HDAC4: variants seen among roughly 807,000 people sequenced by gnomAD.
The protein encoded by HDAC4 is histone deacetylase 4, also known as histone deacetylase A.
HDAC4 carries 16 observed loss-of-function variants against 135.1 expected under a neutral mutation model. The ratio of observed to expected loss-of-function variants is 0.12; its 90% CI spans 0.08 to 0.18. The LOEUF is 0.18. Among genes scored for constraint, HDAC4 ranks in the 10% least tolerant of loss-of-function variants. The pLI, the probability that HDAC4 is intolerant of heterozygous loss-of-function variation, is 1.00. For synonymous variants in HDAC4, 685 were observed against 653.4 expected, an observed-to-expected ratio of 1.05 and a Z score of -0.74; for missense variants, 1,143 against 1,511.8, an observed-to-expected ratio of 0.76 and a Z score of 4.05.
At chr2:239,387,359 G>A (rs1299481962) in intron 1 of HDAC4, among the ~76,000 whole-genome samples, 2 of 152,210 alleles carry the variant, frequency 1.3e-5, no homozygotes, top group African/African-American at 2.4e-5. Flanking sequence ...CAGTCCCGCC[G>A]CTGCGTGCCT....
intron 1 of HDAC4, among the ~76,000 whole-genome samples, chr2:239,379,670 C>G (rs949116034): frequency 6.6e-5 from 10 of 152,180 alleles, no homozygotes; most frequent in Admixed American, 2.0e-4. Flanking sequence ...TCAGAGCCAG[C>G]CTGGGCACCA....
intron 2 of HDAC4, among the ~76,000 whole-genome samples, chr2:239,304,866 A>G (rs1339412639): frequency 3.3e-5 from 5 of 152,202 alleles, no homozygotes; most frequent in Non-Finnish European, 5.9e-5. Context: ...TATAATATAT[A>G]TACACACACA....
In HDAC4 at chr2:239,191,012, GA is replaced by G. The variant is rs1436933214; in HGVS notation, c.95-936del. ...AGCACTGCTCCTGGCACAGCCCAGG[GA>G]CATCCCAGCGTCACTTCTCAGACAC... On this transcript the variant is annotated intron_variant, in intron 3 of 26. Coordinates refer to ENST00000543185, the MANE Select transcript of HDAC4 (RefSeq NM_001378414.1). 8 of 464,188 alleles carry G rather than the reference GA, an allele frequency of 1.7e-5. No homozygotes were observed. In the East Asian group the frequency reaches 3.5e-4, roughly 20 times the overall value. 28.8% of individuals were successfully genotyped at this position (464,188 alleles called of 1,614,324 possible).
chr2:239,374,069 C>G (rs1454703651), intron 1 of HDAC4, among the ~76,000 whole-genome samples: 2 of 152,196 alleles, frequency 1.3e-5, no homozygotes, highest in Non-Finnish European at 2.9e-5. Flanking sequence ...TCAAGCCCCT[C>G]TAAGGAGGGA....
chr2:239,216,762 G>A (rs2153110219), intron 3 of HDAC4, among the ~76,000 whole-genome samples: 1 of 152,234 alleles, frequency 6.6e-6, no homozygotes, highest in East Asian at 1.9e-4. Flanking sequence ...GGAAGGGTGT[G>A]TGTCCTGCCC....
chr2:239,111,676 G>A lies in HDAC4; in HGVS notation c.1828C>T (p.Leu610=), dbSNP rs1376573550. The part of the protein sequence containing the change: ...LLLEQQRIHQ[L]RNYQASMEAA... ...TCCATGGACGCCTGGTAGTTCCTCA[G>A]CTGGTGGATCCGCTGCTGCTCCAGC... The change falls in exon 14 of 27, where the codon CTG becomes TTG. Residue 610 remains leucine (L), a synonymous_variant. Transcript: ENST00000543185. 1.2e-6 allele frequency: 2 copies of A among 1,604,468 alleles called. No individual in the cohort carries two copies. The highest frequency in any genetic ancestry group is 8.5e-7 in the Non-Finnish European group (1 of 1,176,184).
Position 239,236,586 on chromosome 2 carries a change from G to C in HDAC4, c.94+7C>G. ...CGGCCGGACAGGGCAGGGGTGGGCGGACTTACCCGTGCTGGGCATGTGGTT... is the reference window on the plus strand; with the variant it reads ...CGGCCGGACAGGGCAGGGGTGGGCGCACTTACCCGTGCTGGGCATGTGGTT... On this transcript the variant is annotated splice_region_variant and intron_variant, in intron 3 of 26. Coordinates refer to ENST00000543185, the MANE Select transcript of HDAC4 (RefSeq NM_001378414.1). 6.4e-7 allele frequency: 1 copy of C among 1,550,828 alleles called. No individual in the cohort carries two copies. Among genetic ancestry groups the C allele is most frequent in the Non-Finnish European group, 8.7e-7 (1 of 1,146,180 alleles).
chr2:239,294,498 T>C (rs1160113486), intron 2 of HDAC4, among the ~76,000 whole-genome samples: 2 of 151,828 alleles, frequency 1.3e-5, no homozygotes, highest in Admixed American at 6.6e-5. Flanking sequence ...TAAGTCCCCG[T>C]TGAAGGTGGA....
chr2:239,095,432 C>A (rs2036928309), intron 16 of HDAC4, among the ~76,000 whole-genome samples: 2 of 152,180 alleles, frequency 1.3e-5, no homozygotes, highest in African/African-American at 4.8e-5. Flanking sequence ...TGCTCCAGGA[C>A]CCCGAGCCTG....
intron 24 of HDAC4, among the ~76,000 whole-genome samples, chr2:239,066,060 T>C (rs1210087479): frequency 6.6e-6 from 1 of 152,146 alleles, no homozygotes; most frequent in Non-Finnish European, 1.5e-5. Context: ...CCACGCCTGG[T>C]GGAGGCCCTG....
At chr2:239,376,007 A>G (rs13013650) in intron 1 of HDAC4, among the ~76,000 whole-genome samples, 94,411 of 152,150 alleles carry the variant, frequency 0.62, 30,068 homozygotes, top group East Asian at 0.9. Flanking sequence ...CTCTGCTTCA[A>G]TGTGTCCTTT....
chr2:239,090,187 A>G (rs987115604), intron 17 of HDAC4, 71 bp from the exon 18 acceptor site: 6 of 1,138,418 alleles, frequency 5.3e-6, no homozygotes, highest in Admixed American at 1.8e-5. Context: ...GGCTGGGCAG[A>G]GCAGCTCAGG....
At chr2:239,346,261 C>G (rs1462308962) in intron 2 of HDAC4, among the ~76,000 whole-genome samples, 1 of 148,542 alleles carries the variant, frequency 6.7e-6, no homozygotes, top group African/African-American at 2.5e-5. Context: ...AATACACAGA[C>G]ACCCACACCC....
intron 1 of HDAC4, among the ~76,000 whole-genome samples, chr2:239,391,394 A>T (rs1696199130): frequency 6.6e-6 from 1 of 152,174 alleles, no homozygotes; most frequent in African/African-American, 2.4e-5. Context: ...AGACACCCTG[A>T]GCAGGTGCAG....
At chr2:239,122,705 A>G (rs1575108190) in intron 12 of HDAC4, among the ~76,000 whole-genome samples, 1 of 152,202 alleles carries the variant, frequency 6.6e-6, no homozygotes, top group Admixed American at 6.5e-5. Context: ...GGAAAACTAG[A>G]GTGGCTACAT....
intron 5 of HDAC4, among the ~76,000 whole-genome samples, chr2:239,168,164 A>G (rs1337865164): frequency 6.6e-6 from 1 of 152,254 alleles, no homozygotes; most frequent in Admixed American, 6.5e-5. Flanking sequence ...AATGACTTTC[A>G]GGATCAGCCT....
chr2:239,087,489 C>T lies in HDAC4; in HGVS notation c.2444+70G>A, dbSNP rs1034358804. The T allele has an allele frequency of 2.1e-6, 3 of 1,462,866 alleles. No homozygotes were observed. The South Asian group carries it at 3.6e-5, about 17-fold the overall frequency. 90.6% of individuals were successfully genotyped at this position (1,462,866 alleles called of 1,614,324 possible). A position where few individuals can be genotyped will look rare whatever the true frequency, so the allele number is the denominator to read the frequency against. On this transcript the variant is annotated intron_variant, in intron 19 of 26. Transcript: ENST00000543185. ...CAGCTCCCCGCAGTCACTCACACAC[C>T]CACCCAGCCCTAAGGGAGGGAAGGA...
intron 3 of HDAC4, among the ~76,000 whole-genome samples, chr2:239,207,080 T>G (rs1208980208): frequency 2.0e-5 from 3 of 151,918 alleles, no homozygotes; most frequent in South Asian, 2.1e-4. Context: ...TCACTCCACC[T>G]GCTCTCCCCA....
chr2:239,283,069 CAT>C (rs1353611429), intron 2 of HDAC4, among the ~76,000 whole-genome samples: 32 of 152,386 alleles, frequency 2.1e-4, no homozygotes, highest in African/African-American at 5.5e-4. Context: ...ACAAACAAAA[CAT>C]GTGATGTTCC....
Sources: allele counts gnomAD v4.1 joint callset (sites outside exome capture counted in the v4.1 genomes callset), GRCh38; gene constraint gnomAD v4.1.1; transcripts MANE v1.5; gene names NCBI Gene and HGNC (gene_info 2026-07-23, HGNC 2026-07-21).